DPP6: variants seen among roughly 807,000 people sequenced by gnomAD.
DPP6 encodes the protein dipeptidyl peptidase like 6.
In DPP6, 69 loss-of-function variants were observed where a neutral mutation model predicts 122.6. The observed-to-expected ratio is 0.56, with a 90% CI of 0.46 to 0.69. The LOEUF (loss-of-function observed/expected upper bound fraction) is 0.69, where lower values mean the gene tolerates loss of function less well. Among genes scored for constraint, DPP6 ranks in the 30% least tolerant of loss-of-function variants. The probability of loss-of-function intolerance (pLI) is 0.00; values close to 1 mark genes in which losing one functional copy is unlikely to be tolerated. For missense variants in DPP6, 928 were observed against 1,116.9 expected, an observed-to-expected ratio of 0.83 and a Z score of 2.41; for synonymous variants, 418 against 433.1, an observed-to-expected ratio of 0.97 and a Z score of 0.43.
At chr7:154,487,193 G>T (rs556047684) in intron 3 of DPP6, among the ~76,000 whole-genome samples, 3 of 152,028 alleles carry the variant, frequency 2.0e-5, no homozygotes, top group African/African-American at 7.3e-5. Flanking sequence ...GTGTATATAC[G>T]TGTATACGTA....
chr7:154,808,603 G>A (rs1172349626), intron 16 of DPP6, among the ~76,000 whole-genome samples: 1 of 152,094 alleles, frequency 6.6e-6, no homozygotes, highest in Non-Finnish European at 1.5e-5. Flanking sequence ...GACTCCCAAT[G>A]AGCCAGTGAC....
At chr7:154,334,806 G>A (rs1809258485) in intron 1 of DPP6, among the ~76,000 whole-genome samples, 1 of 152,128 alleles carries the variant, frequency 6.6e-6, no homozygotes, top group Non-Finnish European at 1.5e-5. Context: ...TGAGGTGGGC[G>A]AATCGCTTGA....
chr7:153,847,690 A>C, the DPP6 span, among the ~76,000 whole-genome samples: 5 of 152,288 alleles, frequency 3.3e-5, no homozygotes, highest in African/African-American at 1.2e-4. Flanking sequence ...AAGCCCCTTT[A>C]ATTTGAATGG....
At chr7:154,180,131 T>C (rs1264077806) in intron 1 of DPP6, among the ~76,000 whole-genome samples, 2 of 152,220 alleles carry the variant, frequency 1.3e-5, no homozygotes, top group Non-Finnish European at 1.5e-5. Flanking sequence ...GTGGATCACC[T>C]GAAGCCAGGA....
chr7:154,803,743 C>T, intron 13 of DPP6, 121 bp from the exon 14 acceptor site: 2 of 1,420,464 alleles, frequency 1.4e-6, no homozygotes, highest in Non-Finnish European at 1.9e-6. Context: ...GGCAGAGAGC[C>T]CTTCCCACAG....
At chr7:153,960,715 A>ATG (rs1207267043) in intron 1 of DPP6, among the ~76,000 whole-genome samples, 4 of 56,098 alleles carry the variant, frequency 7.1e-5, no homozygotes, top group East Asian at 3.3e-3. Context: ...ATGTGTGTGC[A>ATG]TGCGTGTGTG....
intron 1 of DPP6, among the ~76,000 whole-genome samples, chr7:154,188,343 C>G (rs918207285): frequency 1.3e-5 from 2 of 151,964 alleles, no homozygotes; most frequent in East Asian, 3.9e-4. Flanking sequence ...TTGGCTACAC[C>G]GAGGTCTAAT....
At chr7:154,270,878 C>T (rs1803741696) in intron 1 of DPP6, among the ~76,000 whole-genome samples, 1 of 152,200 alleles carries the variant, frequency 6.6e-6, no homozygotes, top group Non-Finnish European at 1.5e-5. Flanking sequence ...GCCTCAGCCC[C>T]TGTGTCTTCC....
chr7:154,791,321 G>C (rs1271484879), intron 10 of DPP6, among the ~76,000 whole-genome samples: 1 of 152,132 alleles, frequency 6.6e-6, no homozygotes. Flanking sequence ...TTTAGAAAGA[G>C]AGAGGTTTCA....
intron 1 of DPP6, among the ~76,000 whole-genome samples, chr7:154,203,234 G>A (rs1460345076): frequency 6.6e-6 from 1 of 152,168 alleles, no homozygotes; most frequent in Non-Finnish European, 1.5e-5. Context: ...CTGCTGATGT[G>A]TTGATGCCTG....
At chr7:154,313,598 C>T (rs533228171) in intron 1 of DPP6, among the ~76,000 whole-genome samples, 2 of 149,570 alleles carry the variant, frequency 1.3e-5, no homozygotes, top group South Asian at 2.1e-4. Context: ...GGACTAGAAA[C>T]TTCTGGCTTT....
the DPP6 span, among the ~76,000 whole-genome samples, chr7:153,846,214 TA>T: frequency 6.6e-6 from 1 of 152,222 alleles, no homozygotes; most frequent in Non-Finnish European, 1.5e-5. Flanking sequence ...TGATAACTTA[TA>T]ATGTCAAGCA....
chr7:154,235,157 T>C (rs1801130832), intron 1 of DPP6, among the ~76,000 whole-genome samples: 1 of 152,226 alleles, frequency 6.6e-6, no homozygotes, highest in African/African-American at 2.4e-5. Context: ...CGAAGGAAAC[T>C]GTGCCCCTTA....
chr7:154,650,946 A>G (rs567982146), intron 6 of DPP6, among the ~76,000 whole-genome samples: 37 of 152,288 alleles, frequency 2.4e-4, no homozygotes, highest in Admixed American at 1.8e-3. Context: ...CCCAATTTCT[A>G]ATGTAAAGGT....
chr7:154,286,436 C>G (rs1052642853), intron 1 of DPP6, among the ~76,000 whole-genome samples: 1 of 152,194 alleles, frequency 6.6e-6, no homozygotes, highest in Non-Finnish European at 1.5e-5. Flanking sequence ...ATGCAGCAAC[C>G]AAGAGCTTGC....
chr7:153,838,781 G>A, the DPP6 span, among the ~76,000 whole-genome samples: 1 of 152,246 alleles, frequency 6.6e-6, no homozygotes, highest in African/African-American at 2.4e-5. Flanking sequence ...TTGGCCTGCA[G>A]CTGATTTTTC....
chr7:154,226,332 T>C (rs11763283), intron 1 of DPP6, among the ~76,000 whole-genome samples: 1,616 of 152,218 alleles, frequency 0.011, 26 homozygotes, highest in Non-Finnish European at 0.016. Flanking sequence ...CAGATGTGAG[T>C]TGATGAATGT....
At chr7:154,775,324 A>G (rs1796493520) in intron 10 of DPP6, among the ~76,000 whole-genome samples, 1 of 152,182 alleles carries the variant, frequency 6.6e-6, no homozygotes, top group Non-Finnish European at 1.5e-5. Context: ...GGCAAGGATC[A>G]TAGGGCTGGT....
At chr7:154,861,873 G>A (rs1803429770) in intron 17 of DPP6, among the ~76,000 whole-genome samples, 1 of 152,028 alleles carries the variant, frequency 6.6e-6, no homozygotes, top group Non-Finnish European at 1.5e-5. Context: ...GTCTGAAAAT[G>A]TGTTCATGTA....
Sources: allele counts gnomAD v4.1 joint callset (sites outside exome capture counted in the v4.1 genomes callset), GRCh38; gene constraint gnomAD v4.1.1; transcripts MANE v1.5; gene names NCBI Gene and HGNC (gene_info 2026-07-23, HGNC 2026-07-21).